FIG4: variants seen among roughly 807,000 people sequenced by gnomAD.
FIG4 encodes the protein polyphosphoinositide phosphatase.
A neutral mutation model predicts 118.6 loss-of-function variants in FIG4; 112 were observed. That is an observed-to-expected ratio of 0.94 (90% CI 0.81 to 1.11). The LOEUF (loss-of-function observed/expected upper bound fraction) is 1.11. FIG4 is among the 50% of genes least tolerant of loss of function. The pLI is 0.00. For synonymous variants in FIG4, 369 were observed against 381.2 expected (o/e 0.97, Z 0.37); for missense variants, 969 against 1,111.7 (o/e 0.87, Z 1.83).
intron 12 of FIG4, 51 bp from the exon 13 acceptor site, chr6:109,763,886 A>T: frequency 8.4e-7 from 1 of 1,196,294 alleles, no homozygotes; most frequent in African/African-American, 1.5e-5. Flanking sequence ...ACTGAAAATA[A>T]ATATGTATTC....
intron 22 of FIG4, 107 bp from the exon 23 acceptor site, chr6:109,824,981 G>A: frequency 1.9e-6 from 2 of 1,036,040 alleles, no homozygotes; most frequent in East Asian, 2.4e-5. Context: ...TCAAAAGTCA[G>A]CCTGCTTATT....
At chr6:109,736,059 A>G (rs1054059462) in intron 6 of FIG4, among the ~76,000 whole-genome samples, 3 of 152,110 alleles carry the variant, frequency 2.0e-5, no homozygotes, top group African/African-American at 7.2e-5. Context: ...AGGCATTGCT[A>G]GTATGAATGT....
chr6:109,805,895 AG>A (rs1778551703), intron 22 of FIG4, among the ~76,000 whole-genome samples: 1 of 152,202 alleles, frequency 6.6e-6, no homozygotes, highest in Non-Finnish European at 1.5e-5. Flanking sequence ...TAATAGAGTT[AG>A]TGTGCTCAAA....
intron 21 of FIG4, among the ~76,000 whole-genome samples, chr6:109,795,194 G>A (rs1224554819): frequency 2.3e-5 from 3 of 132,382 alleles, no homozygotes; most frequent in African/African-American, 5.6e-5. Flanking sequence ...GCGCAATCTC[G>A]GCTCACTGCA....
intron 22 of FIG4, among the ~76,000 whole-genome samples, chr6:109,802,482 G>A (rs1778451550): frequency 6.6e-6 from 1 of 152,192 alleles, no homozygotes; most frequent in African/African-American, 2.4e-5. Context: ...TGACCACAAG[G>A]CACATATTAT....
chr6:109,697,954 T>C (rs528060214), intron 1 of FIG4, among the ~76,000 whole-genome samples: 1 of 152,080 alleles, frequency 6.6e-6, no homozygotes, highest in South Asian at 2.1e-4. Flanking sequence ...AATGGCACGA[T>C]CTCGGCTCAC....
intron 19 of FIG4, 135 bp from the exon 20 acceptor site, chr6:109,791,241 A>G (rs920354205): frequency 1.3e-6 from 1 of 761,338 alleles, no homozygotes; most frequent in South Asian, 1.6e-5. Flanking sequence ...CTGTAGCACA[A>G]CCTGAATCCA....
intron 22 of FIG4, among the ~76,000 whole-genome samples, chr6:109,824,157 C>T (rs1246234910): frequency 1.3e-5 from 2 of 152,206 alleles, no homozygotes; most frequent in East Asian, 3.9e-4. Context: ...AAGCCTGTGG[C>T]AGCCCAAGTG....
chr6:109,778,724 G>T (rs546209523), intron 16 of FIG4, among the ~76,000 whole-genome samples: 37 of 152,018 alleles, frequency 2.4e-4, no homozygotes, highest in African/African-American at 8.7e-4. Context: ...TCGGCCTCCC[G>T]AGTAGCTGGG....
rs543462663 is a variant in FIG4, at chr6:109,735,242, G to T, written c.590G>T (p.Arg197Leu). The T allele has an allele frequency of 6.2e-7, 1 of 1,613,494 alleles. No homozygotes were observed. The highest frequency in any genetic ancestry group is 2.2e-5 in the East Asian group (1 of 44,842). Residue 197 changes from arginine to leucine, a missense_variant, in exon 6 of 23, where the codon CGC becomes CTC. Arg to Leu is a moderately radical substitution (Grantham distance 102). Coordinates refer to ENST00000230124, the MANE Select transcript of FIG4 (RefSeq NM_014845.6). ...EMLKSEMTQN[R>L]QESFDIFEDE... ...TTAAAGTCAGAAATGACCCAGAATC[G>T]CCAAGAGAGCTTTGACATCTTTGAA... is the stretch of plus-strand genomic sequence containing the variant.
chr6:109,724,647 G>A (rs1260336228), intron 3 of FIG4, among the ~76,000 whole-genome samples: 2 of 152,108 alleles, frequency 1.3e-5, no homozygotes, highest in African/African-American at 2.4e-5. Flanking sequence ...GTTCCTCTTT[G>A]CATTATCTGT....
rs146748684 is a variant in FIG4 at position 109,789,831 on chromosome 6, A to G, written c.2180+154A>G. ...GTGTTCAATACTGAAAGTAGAATTT[A>G]TGGGAGTTTCAGCAATACAGTGCAT... On this transcript the variant is annotated intron_variant, in intron 19 of 22. Coordinates refer to ENST00000230124, the MANE Select transcript of FIG4 (RefSeq NM_014845.6). 1.5e-3 allele frequency among the ~76,000 whole-genome samples: 223 copies of G among 152,346 alleles called. 1 individual carries two copies. Among genetic ancestry groups the G allele is most frequent in the African/African-American group, 4.7e-3 (194 of 41,582 alleles).
In FIG4 at chr6:109,792,678, A is replaced by C. The variant is rs200078556; in HGVS notation, c.2459+14A>C. 7.5e-5 allele frequency: 104 copies of C among 1,384,494 alleles called. 1 individual carries two copies. In the African/African-American group the frequency reaches 1.2e-3, roughly 15 times the overall value. The allele number at this position is 1,384,494 out of a possible 1,614,324, so 85.8% of individuals were successfully genotyped here. A position where few individuals can be genotyped will look rare whatever the true frequency, so the allele number is the denominator to read the frequency against. ...CATTTATTCAAGGTGAGATACTTTC[A>C]TGTAGATATTAAAGAAAAATGAATA... On this transcript the variant is annotated intron_variant, in intron 21 of 22. Transcript: ENST00000230124.
chr6:109,773,147 T>C (rs957953813), intron 15 of FIG4, among the ~76,000 whole-genome samples: 1 of 152,200 alleles, frequency 6.6e-6, no homozygotes, highest in African/African-American at 2.4e-5. Context: ...ATACATCTTG[T>C]GCTTCAAATC....
chr6:109,813,350 A>G (rs1443458718), intron 22 of FIG4, among the ~76,000 whole-genome samples: 1 of 152,204 alleles, frequency 6.6e-6, no homozygotes, highest in Non-Finnish European at 1.5e-5. Context: ...TAACCTCAGT[A>G]CACTGCAACT....
intron 22 of FIG4, among the ~76,000 whole-genome samples, chr6:109,820,038 G>T (rs75611072): frequency 2.4e-4 from 37 of 152,306 alleles, no homozygotes; most frequent in African/African-American, 4.8e-4. Flanking sequence ...GTGTGCACAA[G>T]GCTATGGGAA....
intron 1 of FIG4, among the ~76,000 whole-genome samples, chr6:109,713,795 C>T (rs73535341): frequency 0.086 from 13,156 of 152,094 alleles, 929 homozygotes; most frequent in African/African-American, 0.19. Flanking sequence ...GAGCTCTTCA[C>T]CAATCAGGTG....
intron 3 of FIG4, among the ~76,000 whole-genome samples, chr6:109,722,733 GC>G (rs968387280): frequency 2.3e-5 from 3 of 131,826 alleles, no homozygotes; most frequent in African/African-American, 7.6e-5. Context: ...AGTGAGCTGG[GC>G]AGGGATGGGA....
chr6:109,782,083 A>G (rs1777822845), intron 16 of FIG4, among the ~76,000 whole-genome samples: 1 of 152,150 alleles, frequency 6.6e-6, no homozygotes, highest in African/African-American at 2.4e-5. Flanking sequence ...TAACCTTCCT[A>G]TGGAACCGAG....
Sources: allele counts gnomAD v4.1 joint callset (sites outside exome capture counted in the v4.1 genomes callset), GRCh38; gene constraint gnomAD v4.1.1; transcripts MANE v1.5; gene names NCBI Gene and HGNC (gene_info 2026-07-23, HGNC 2026-07-21).